Variants in HIVEP2 observed in about 807,000 individuals in gnomAD.
HIVEP2 encodes the protein transcription factor HIVEP2.
HIVEP2 carries 14 observed loss-of-function variants against 180.7 expected under a neutral mutation model. The observed-to-expected ratio is 0.08, with a 90% confidence interval of 0.05 to 0.12. HIVEP2 has a LOEUF of 0.12. Among genes scored for constraint, HIVEP2 ranks in the 10% least tolerant of loss-of-function variants. The pLI is 1.00. For synonymous variants in HIVEP2, 1,184 were observed against 1,136.4 expected (o/e 1.04, Z -0.84); for missense variants, 2,579 against 3,008.5 (o/e 0.86, Z 3.34).
intron 2 of HIVEP2, among the ~76,000 whole-genome samples, chr6:142,809,946 C>T (rs577785715): frequency 6.6e-6 from 1 of 152,206 alleles, no homozygotes; most frequent in South Asian, 2.1e-4. Flanking sequence ...TGTTAACAAA[C>T]CCAGGATATG....
intron 2 of HIVEP2, among the ~76,000 whole-genome samples, chr6:142,814,242 G>A (rs1452349427): frequency 6.6e-6 from 1 of 152,108 alleles, no homozygotes; most frequent in Non-Finnish European, 1.5e-5. Context: ...ATGCACCAAA[G>A]CATAAAGAAA....
chr6:142,882,339 A>G lies in HIVEP2; in HGVS notation c.-640-45292T>C, dbSNP rs1776592595. On this transcript the variant is annotated intron_variant, in intron 1 of 9. Coordinates refer to ENST00000367603, the MANE Select transcript of HIVEP2 (RefSeq NM_006734.4). ...AAAAGAAGTAGAAGAGGCAGAGGGC[A>G]GTAGCTCATGCCTGTAATCCCAGCA... 2.0e-5 allele frequency among the ~76,000 whole-genome samples: 3 copies of G among 152,168 alleles called. No homozygotes were observed. The South Asian group carries it at 6.2e-4, about 32-fold the overall frequency.
At chr6:142,810,517 C>A (rs536551738) in intron 2 of HIVEP2, among the ~76,000 whole-genome samples, 2 of 152,146 alleles carry the variant, frequency 1.3e-5, no homozygotes, top group South Asian at 4.1e-4. Context: ...AATCCCAGCA[C>A]TTTGGGAGGC....
At chr6:142,896,314 T>C (rs1776992369) in intron 1 of HIVEP2, among the ~76,000 whole-genome samples, 1 of 152,210 alleles carries the variant, frequency 6.6e-6, no homozygotes, top group African/African-American at 2.4e-5. Context: ...TCTTTCACTA[T>C]TGTCTCTGAA....
chr6:142,766,703 C>G (rs1355571906), intron 6 of HIVEP2, among the ~76,000 whole-genome samples: 1 of 152,058 alleles, frequency 6.6e-6, no homozygotes, highest in African/African-American at 2.4e-5. Flanking sequence ...ATTAGAGAAA[C>G]TGGTATAAAT....
intron 1 of HIVEP2, among the ~76,000 whole-genome samples, chr6:142,915,104 C>T (rs1298262346): frequency 6.6e-6 from 1 of 152,152 alleles, no homozygotes; most frequent in Non-Finnish European, 1.5e-5. Context: ...AGAATGGGAA[C>T]TGGGTCATGA....
chr6:142,807,088 A>C lies in HIVEP2; in HGVS notation c.-527-23473T>G, dbSNP rs77993741. ...TGAAGGACTGAGTTAGAAGGATTTT[A>C]AAAGGCAAAGAGTAGAGGGGATGGC... On this transcript the variant is annotated intron_variant, in intron 2 of 9. Coordinates refer to ENST00000367603, the MANE Select transcript of HIVEP2 (RefSeq NM_006734.4). 7.3e-4 allele frequency among the ~76,000 whole-genome samples: 111 copies of C among 152,312 alleles called. No individual in the cohort carries two copies. The South Asian group carries it at 8.9e-3, about 12-fold the overall frequency.
chr6:142,774,964 T>C lies in HIVEP2; in HGVS notation c.-226A>G. 2 of 1,306,960 alleles carry C rather than the reference T, an allele frequency of 1.5e-6. No homozygotes were observed. The highest frequency in any genetic ancestry group is 9.7e-7 in the Non-Finnish European group (1 of 1,030,332). The allele number at this position is 1,306,960 out of a possible 1,614,324, so 81.0% of individuals were successfully genotyped here. A position where few individuals can be genotyped will look rare whatever the true frequency, so the allele number is the denominator to read the frequency against. ...GGCTATAACACAGTTCTCTCCATTG[T>C]AGAAACGTCCATCCAAAAGCTAAGT... On this transcript the variant is annotated 5_prime_UTR_variant, in exon 5 of 10. Coordinates refer to ENST00000367603, the MANE Select transcript of HIVEP2 (RefSeq NM_006734.4). The surrounding 1 kb of genome is among the most constrained non-coding windows in gnomAD (Gnocchi z 5.1).
chr6:142,822,836 G>A (rs894844466), intron 2 of HIVEP2, among the ~76,000 whole-genome samples: 3 of 152,132 alleles, frequency 2.0e-5, no homozygotes, highest in Non-Finnish European at 4.4e-5. Context: ...CCAAGTGAGG[G>A]AAGGAACACT....
chr6:142,868,611 AC>A (rs1369797869), intron 1 of HIVEP2, among the ~76,000 whole-genome samples: 1 of 152,200 alleles, frequency 6.6e-6, no homozygotes, highest in Non-Finnish European at 1.5e-5. Context: ...CATGAGGAAT[AC>A]CCAGAATGAT....
chr6:142,851,868 G>A (rs908658763), intron 1 of HIVEP2, among the ~76,000 whole-genome samples: 16 of 152,172 alleles, frequency 1.1e-4, no homozygotes, highest in African/African-American at 3.1e-4. Context: ...AGAACCTCAC[G>A]GTGGAAGAGT....
chr6:142,898,428 G>A (rs532716517), intron 1 of HIVEP2, among the ~76,000 whole-genome samples: 11 of 152,220 alleles, frequency 7.2e-5, no homozygotes, highest in East Asian at 5.8e-4. Context: ...TTGGGAGGCC[G>A]AGGCGGGCAA....
intron 1 of HIVEP2, among the ~76,000 whole-genome samples, chr6:142,921,775 T>C (rs1313179521): frequency 6.6e-6 from 1 of 152,226 alleles, no homozygotes; most frequent in Non-Finnish European, 1.5e-5. Context: ...AAACTTCTTT[T>C]GGAAATCTAG....
At chr6:142,762,093 A>G (rs562658462) in intron 7 of HIVEP2, among the ~76,000 whole-genome samples, 14 of 152,318 alleles carry the variant, frequency 9.2e-5, no homozygotes, top group East Asian at 7.7e-4. Context: ...GTGAGGGCCA[A>G]CCTTGTCAGT....
intron 7 of HIVEP2, 101 bp from the exon 8 acceptor site, chr6:142,761,666 A>G: frequency 1.3e-6 from 1 of 756,926 alleles, no homozygotes; most frequent in Non-Finnish European, 2.4e-6. Flanking sequence ...TAATTTTATT[A>G]AATTCATCAT....
At chr6:142,843,078 C>A (rs1775409991) in intron 1 of HIVEP2, among the ~76,000 whole-genome samples, 1 of 152,132 alleles carries the variant, frequency 6.6e-6, no homozygotes, top group South Asian at 2.1e-4. Context: ...AAGAGAGGGA[C>A]CTTCCTCAGC....
At chr6:142,877,412 T>C in intron 1 of HIVEP2, among the ~76,000 whole-genome samples, 1 of 152,174 alleles carries the variant, frequency 6.6e-6, no homozygotes, top group East Asian at 1.9e-4. Context: ...AATACCACAA[T>C]ACAAATTTTT....
In HIVEP2 at chr6:142,837,036, C is replaced by T. The variant is rs2114880316; in HGVS notation, c.-629G>A. 6.6e-6 allele frequency: 1 copy of T among 152,102 alleles called. No homozygotes were observed. Among genetic ancestry groups the T allele is most frequent in the South Asian group, 2.1e-4 (1 of 4,820 alleles). 9.4% of individuals were successfully genotyped at this position (152,102 alleles called of 1,614,324 possible). A position where few individuals can be genotyped will look rare whatever the true frequency, so the allele number is the denominator to read the frequency against. On this transcript the variant is annotated 5_prime_UTR_variant, in exon 2 of 10. An upstream open reading frame in the 5' UTR loses its in-frame stop. Coordinates refer to ENST00000367603, the MANE Select transcript of HIVEP2 (RefSeq NM_006734.4). ...GATTACTATGGTCTTTTAAAAAATTCAAAGGCTCCACCTAATGAGAAAAAA... is the reference window on the plus strand; with the variant it reads ...GATTACTATGGTCTTTTAAAAAATTTAAAGGCTCCACCTAATGAGAAAAAA...
At chr6:142,939,144 A>G (rs2128441047) in intron 1 of HIVEP2, among the ~76,000 whole-genome samples, 1 of 152,342 alleles carries the variant, frequency 6.6e-6, no homozygotes, top group Admixed American at 6.5e-5. Context: ...GTTCAAATTG[A>G]CAACCTGTCA....
Sources: gnomAD v4.1 joint callset for allele counts (sites outside exome capture counted in the v4.1 genomes callset) on GRCh38, gnomAD v4.1.1 for gene constraint, Gnocchi (gnomAD v3.1) non-coding constraint, MANE v1.5 for transcripts, NCBI Gene and HGNC (gene_info 2026-07-23, HGNC 2026-07-21) for gene names.